The following SETBP1 variants were observed in gnomAD, a reference collection of about 807,000 sequenced individuals.
The protein encoded by SETBP1 is SET-binding protein.
SETBP1 carries 9 observed loss-of-function variants against 101.0 expected under a neutral mutation model. The ratio of observed to expected loss-of-function variants is 0.09; its 90% confidence interval spans 0.05 to 0.16. SETBP1 has a LOEUF of 0.16. SETBP1 is among the 10% of genes least tolerant of loss of function. SETBP1 has a pLI of 1.00. For missense variants in SETBP1, 1,858 were observed against 2,033.8 expected (o/e 0.91, Z 1.66); for synonymous variants, 818 against 788.5 (o/e 1.04, Z -0.63).
chr18:44,967,493 G>A lies in SETBP1; in HGVS notation c.4000+14153G>A, dbSNP rs965876651. 7.2e-5 allele frequency among the ~76,000 whole-genome samples: 11 copies of A among 152,336 alleles called. No homozygotes were observed. In the East Asian group the frequency reaches 1.3e-3, roughly 19 times the overall value. On this transcript the variant is annotated intron_variant, in intron 4 of 5. Transcript: ENST00000649279. ...TTTAGCAGTTTAAAACAATGCAAAC[G>A]TGTTATTTCACCACTTCTTATGTCA... is the stretch of plus-strand genomic sequence containing the variant.
chr18:44,868,783 T>G (rs2069199831), intron 2 of SETBP1, among the ~76,000 whole-genome samples: 1 of 149,516 alleles, frequency 6.7e-6, no homozygotes, highest in Non-Finnish European at 1.5e-5. Context: ...AAAGCCCTCT[T>G]AGAGGAGATG....
At chr18:44,770,015 G>A (rs2070839848) in intron 2 of SETBP1, among the ~76,000 whole-genome samples, 1 of 152,154 alleles carries the variant, frequency 6.6e-6, no homozygotes, top group African/African-American at 2.4e-5. Flanking sequence ...GACTCCTAGT[G>A]GATCCTGAAA....
chr18:45,038,267 AGCCAACCTAGAAT>A (rs2073438642), intron 4 of SETBP1, among the ~76,000 whole-genome samples: 1 of 152,256 alleles, frequency 6.6e-6, no homozygotes, highest in South Asian at 2.1e-4. Context: ...ACTTCCAGGC[AGCCAACCTAGAAT>A]GACAACACTC....
chr18:45,021,095 G>C (rs1369763802), intron 4 of SETBP1, among the ~76,000 whole-genome samples: 1 of 152,154 alleles, frequency 6.6e-6, no homozygotes, highest in Non-Finnish European at 1.5e-5. Flanking sequence ...CTTCAATATA[G>C]TTGCTCAGCA....
chr18:44,921,539 T>A (rs1436752504), intron 3 of SETBP1, among the ~76,000 whole-genome samples: 1 of 152,218 alleles, frequency 6.6e-6, no homozygotes. Context: ...AGACCCATAA[T>A]CAAAAGAACA....
At chr18:44,986,457 T>C (rs1599412980) in intron 4 of SETBP1, 1 of 152,196 alleles carries the variant, frequency 6.6e-6, no homozygotes, top group East Asian at 1.9e-4. Flanking sequence ...AAAAATTTCT[T>C]TCTTCATTAA....
At chr18:44,685,956 G>T (rs567720162) in intron 1 of SETBP1, among the ~76,000 whole-genome samples, 1 of 152,312 alleles carries the variant, frequency 6.6e-6, no homozygotes, top group African/African-American at 2.4e-5. Flanking sequence ...AATGCTCTTT[G>T]AGTTAAGGAT....
chr18:44,890,930 C>T (rs1337062091), intron 3 of SETBP1, among the ~76,000 whole-genome samples: 1 of 152,034 alleles, frequency 6.6e-6, no homozygotes, highest in Non-Finnish European at 1.5e-5. Context: ...ACACTAAATG[C>T]TAAAACATTT....
intron 4 of SETBP1, among the ~76,000 whole-genome samples, chr18:45,035,563 G>T (rs2073379720): frequency 6.6e-6 from 1 of 152,194 alleles, no homozygotes; most frequent in South Asian, 2.1e-4. Context: ...GCATAAAAAT[G>T]GGTACAATTA....
At chr18:45,020,201 A>G (rs908455426) in intron 4 of SETBP1, among the ~76,000 whole-genome samples, 1 of 137,672 alleles carries the variant, frequency 7.3e-6, no homozygotes, top group Non-Finnish European at 1.5e-5. Context: ...TGGAGGTTGC[A>G]GTGAGCCGAG....
At chr18:44,976,970 C>G (rs1599400809) in intron 4 of SETBP1, among the ~76,000 whole-genome samples, 2 of 152,146 alleles carry the variant, frequency 1.3e-5, no homozygotes, top group South Asian at 2.1e-4. Flanking sequence ...AAAATTGTGT[C>G]TATTCTGGGA....
chr18:44,902,232 TTCTC>T (rs58150833), intron 3 of SETBP1, among the ~76,000 whole-genome samples: 137 of 148,450 alleles, frequency 9.2e-4, no homozygotes, highest in Non-Finnish European at 1.0e-3. Context: ...ATCTCTCTCT[TTCTC>T]TCTCTCTCTC....
At chr18:45,005,742 G>T (rs1301122040) in intron 4 of SETBP1, among the ~76,000 whole-genome samples, 1 of 149,518 alleles carries the variant, frequency 6.7e-6, no homozygotes, top group Admixed American at 6.7e-5. Flanking sequence ...CACCTTCCGG[G>T]TTCACGCCAT....
chr18:44,922,604 T>C (rs2070608398), intron 3 of SETBP1, among the ~76,000 whole-genome samples: 1 of 152,214 alleles, frequency 6.6e-6, no homozygotes, highest in Admixed American at 6.5e-5. Flanking sequence ...TAGTTTTGTG[T>C]GGCCCAGTTA....
At chr18:44,736,179 G>A (rs11660046) in intron 2 of SETBP1, among the ~76,000 whole-genome samples, 20,181 of 152,150 alleles carry the variant, frequency 0.13, 1,646 homozygotes, top group Non-Finnish European at 0.19. Flanking sequence ...GAACCCAGGA[G>A]GTTGAGACCA....
At chr18:44,703,919 A>G (rs2069166130) in intron 2 of SETBP1, among the ~76,000 whole-genome samples, 1 of 152,156 alleles carries the variant, frequency 6.6e-6, no homozygotes, top group Admixed American at 6.5e-5. Flanking sequence ...GTTTCTGGCC[A>G]TTGAGTTGGC....
chr18:44,837,849 G>A (rs191661280), intron 2 of SETBP1, among the ~76,000 whole-genome samples: 38 of 152,278 alleles, frequency 2.5e-4, no homozygotes, highest in African/African-American at 6.3e-4. Context: ...ATTATCTGTC[G>A]TTTCAGATTA....
At chr18:44,945,629 A>G (rs924977831) in intron 3 of SETBP1, among the ~76,000 whole-genome samples, 3 of 152,226 alleles carry the variant, frequency 2.0e-5, no homozygotes, top group African/African-American at 2.4e-5. Context: ...TTTGGTATCG[A>G]AAGTTTTCCA....
intron 2 of SETBP1, among the ~76,000 whole-genome samples, chr18:44,752,605 A>G (rs1200109278): frequency 6.6e-6 from 1 of 152,204 alleles, no homozygotes; most frequent in Non-Finnish European, 1.5e-5. Flanking sequence ...GACAAATTTT[A>G]TATATTTTAT....
Sources: allele counts gnomAD v4.1 joint callset (sites outside exome capture counted in the v4.1 genomes callset), GRCh38; gene constraint gnomAD v4.1.1; transcripts MANE v1.5; gene names NCBI Gene and HGNC (gene_info 2026-07-23, HGNC 2026-07-21).